The following FAS variants were observed in gnomAD, a reference collection of about 807,000 sequenced individuals.
FAS encodes tumor necrosis factor receptor superfamily member 6.
FAS carries 5 observed loss-of-function variants against 33.2 expected under a neutral mutation model. The observed-to-expected ratio is 0.15, with a 90% CI of 0.08 to 0.32. The LOEUF (loss-of-function observed/expected upper bound fraction) is 0.32, where lower values mean the gene tolerates loss of function less well. Among genes scored for constraint, FAS ranks in the 10% least tolerant of loss-of-function variants. The pLI is 1.00. For synonymous variants in FAS, 131 were observed against 130.7 expected (o/e 1.00, Z -0.01); for missense variants, 339 against 386.0 (o/e 0.88, Z 1.02).
At chr10:88,986,567 G>T (rs139085798), upstream of FAS, among the ~76,000 whole-genome samples, 18 of 152,264 alleles carry the variant, frequency 1.2e-4, no homozygotes, top group East Asian at 3.3e-3. Flanking sequence ...AAGTTTTCCA[G>T]CCCTGGTCAG....
In FAS at chr10:89,014,100, A is replaced by G. The variant is rs1160269163; in HGVS notation, c.677-19A>G. 1 of 1,610,324 alleles carries G rather than the reference A, an allele frequency of 6.2e-7. No homozygotes were observed. Among genetic ancestry groups the G allele is most frequent in the Non-Finnish European group, 8.5e-7 (1 of 1,178,316 alleles). On this transcript the variant is annotated intron_variant, in intron 8 of 8. Transcript: ENST00000652046. ...TTCATTTAGAAAAACAAATTTTCAG[A>G]CTATTTTCTATTTTTCAGATGTTGA... is the stretch of plus-strand genomic sequence containing the variant.
In FAS at chr10:89,015,844, T is replaced by C; in HGVS notation, c.*1394T>C. 1 of 421,144 alleles carries C rather than the reference T, an allele frequency of 2.4e-6. No homozygotes were observed. The highest frequency in any genetic ancestry group is 2.4e-5 in the South Asian group (1 of 41,976). 26.1% of individuals were successfully genotyped at this position (421,144 alleles called of 1,614,324 possible). A position where few individuals can be genotyped will look rare whatever the true frequency, so the allele number is the denominator to read the frequency against. On this transcript the variant is annotated 3_prime_UTR_variant, in exon 9 of 9. Transcript: ENST00000652046. ...TTTTTGGTTTTGTCTTCCTTTTCTCTAACTGATGCTAAATATAACTTGTCT... is the reference window on the plus strand; with the variant it reads ...TTTTTGGTTTTGTCTTCCTTTTCTCCAACTGATGCTAAATATAACTTGTCT...
intron 1 of FAS, among the ~76,000 whole-genome samples, chr10:88,997,324 C>G (rs1847660459): frequency 6.6e-6 from 1 of 152,184 alleles, no homozygotes; most frequent in East Asian, 1.9e-4. Flanking sequence ...TTTTCTGACT[C>G]TAGCACTAAA....
intron 2 of FAS, among the ~76,000 whole-genome samples, chr10:88,981,501 C>G (rs940478629): frequency 6.6e-6 from 1 of 151,970 alleles, no homozygotes; most frequent in Non-Finnish European, 1.5e-5. Context: ...GAGGTCTAGA[C>G]TAGTATCCGT....
chr10:88,980,513 C>G (rs1295192969), intron 2 of FAS, among the ~76,000 whole-genome samples: 2 of 152,012 alleles, frequency 1.3e-5, no homozygotes, highest in African/African-American at 4.8e-5. Flanking sequence ...TCTAATTTGT[C>G]ATCCCCAGTA....
upstream of FAS, among the ~76,000 whole-genome samples, chr10:88,989,954 T>A (rs1003502313): frequency 1.3e-5 from 2 of 152,328 alleles, no homozygotes; most frequent in Admixed American, 6.5e-5. Context: ...AAAGCAATAG[T>A]GACTTTGAAC....
chr10:88,978,208 A>G (rs1846618091), intron 2 of FAS, among the ~76,000 whole-genome samples: 1 of 130,250 alleles, frequency 7.7e-6, no homozygotes, highest in Non-Finnish European at 1.6e-5. Flanking sequence ...ATGAGATCAC[A>G]TGGACACTGG....
intron 2 of FAS, among the ~76,000 whole-genome samples, chr10:89,005,017 A>T (rs1030376106): frequency 1.3e-5 from 2 of 152,218 alleles, no homozygotes; most frequent in African/African-American, 2.4e-5. Context: ...AACTAGGTTG[A>T]GTGCTTTGGA....
intron 6 of FAS, 63 bp downstream of exon 6, chr10:89,010,878 TG>T: frequency 6.3e-7 from 1 of 1,584,942 alleles, no homozygotes; most frequent in Non-Finnish European, 8.7e-7. Flanking sequence ...CACAAAGATT[TG>T]CCTCATTCTT....
intron 2 of FAS, among the ~76,000 whole-genome samples, chr10:88,980,816 C>A (rs1416225611): frequency 6.6e-6 from 1 of 152,156 alleles, no homozygotes; most frequent in Admixed American, 6.5e-5. Flanking sequence ...CCAAATGAAT[C>A]TGGATTTATC....
At chr10:88,982,935 A>G (rs905133984), upstream of FAS, among the ~76,000 whole-genome samples, 4 of 152,326 alleles carry the variant, frequency 2.6e-5, no homozygotes, top group African/African-American at 9.6e-5. Context: ...CGAACTGATG[A>G]GTGGTTTCCC....
upstream of FAS, chr10:88,990,762 C>A (rs767394348): frequency 1.4e-5 from 19 of 1,375,052 alleles, no homozygotes; most frequent in Non-Finnish European, 1.9e-5. The surrounding 1 kb of genome is among the most constrained non-coding windows in gnomAD (Gnocchi z 4.9). Context: ...ACGGAACACA[C>A]CCTGAGGCCA....
chr10:89,006,839 A>G (rs9658750), intron 2 of FAS, among the ~76,000 whole-genome samples: 16,832 of 152,262 alleles, frequency 0.11, 1,207 homozygotes, highest in Non-Finnish European at 0.16. Context: ...TTTTAAGAGA[A>G]CACATTACAT....
chr10:88,983,336 G>T (rs1425899448), upstream of FAS, among the ~76,000 whole-genome samples: 5 of 152,104 alleles, frequency 3.3e-5, no homozygotes, highest in Non-Finnish European at 2.9e-5. Context: ...TATGACAAGA[G>T]TATGGTTTTA....
intron 7 of FAS, 143 bp from the exon 8 acceptor site, chr10:89,013,200 C>A: frequency 1.3e-6 from 1 of 750,582 alleles, no homozygotes; most frequent in Non-Finnish European, 2.1e-6. Flanking sequence ...TTCTTAATCA[C>A]TTAATCTAGC....
intron 1 of FAS, among the ~76,000 whole-genome samples, chr10:88,965,023 G>A (rs1443929649): frequency 6.6e-6 from 1 of 152,026 alleles, no homozygotes; most frequent in African/African-American, 2.4e-5. Context: ...TCCAGAGCCG[G>A]GGATAGCTTC....
rs1848493741 is a variant in FAS, at chr10:89,010,816, G to A, written c.568+1G>A. Reference sequence around the variant, plus strand: ...TTGCCAATTCCACTAATTGTTTGGGGTAAGTTCTTGCTTTGTTCAAACTGC... The same window carrying A: ...TTGCCAATTCCACTAATTGTTTGGGATAAGTTCTTGCTTTGTTCAAACTGC... On this transcript the variant is annotated splice_donor_variant, in intron 6 of 8. Transcript: ENST00000652046. LOFTEE classifies it high-confidence loss of function. The A allele has an allele frequency of 1.2e-6, 2 of 1,613,846 alleles. No individual in the cohort carries two copies. Among genetic ancestry groups the A allele is most frequent in the Non-Finnish European group, 1.7e-6 (2 of 1,179,974 alleles).
At chr10:88,982,942 T>A (rs1846745708), upstream of FAS, among the ~76,000 whole-genome samples, 1 of 152,196 alleles carries the variant, frequency 6.6e-6, no homozygotes, top group Non-Finnish European at 1.5e-5. Flanking sequence ...ATGAGTGGTT[T>A]CCCTGAGCAA....
rs138419120 is a variant in FAS at position 89,008,629 on chromosome 10, G to A, written c.335-260G>A. On this transcript the variant is annotated intron_variant, in intron 3 of 8. Transcript: ENST00000652046. ...CCAGTCCCCAGGTCACCCTTTGAGT[G>A]TTAAGGCTAGAGACTAGAGGAACAG... 1.2e-3 allele frequency among the ~76,000 whole-genome samples: 189 copies of A among 152,294 alleles called. 1 individual carries two copies. The highest frequency in any genetic ancestry group is 2.7e-3 in the African/African-American group (113 of 41,566).
Sources: allele counts gnomAD v4.1 joint callset (sites outside exome capture counted in the v4.1 genomes callset), GRCh38; gene constraint gnomAD v4.1.1; non-coding constraint Gnocchi (gnomAD v3.1); transcripts MANE v1.5; gene names NCBI Gene and HGNC (gene_info 2026-07-23, HGNC 2026-07-21).